The following TNS3 variants were observed in gnomAD, a reference collection of about 807,000 sequenced individuals.
TNS3 encodes tensin-3.
In TNS3, 45 loss-of-function variants were observed where a neutral mutation model predicts 140.9. The ratio of observed to expected loss-of-function variants is 0.32; its 90% CI spans 0.25 to 0.41. The LOEUF is 0.41. Ranked by LOEUF, TNS3 falls within the 10% of genes least tolerant of loss-of-function variation. The pLI is 1.00. For missense variants in TNS3, 1,716 were observed against 1,906.7 expected (o/e 0.90, Z 1.86); for synonymous variants, 815 against 788.4 (o/e 1.03, Z -0.56).
intron 3 of TNS3, chr7:47,481,872 G>T (rs1797432395): frequency 6.0e-6 from 1 of 167,308 alleles, no homozygotes; most frequent in Non-Finnish European, 1.2e-5. Context: ...ACTAGCCACA[G>T]GACCTTGGCC....
intron 2 of TNS3, among the ~76,000 whole-genome samples, chr7:47,509,198 T>C (rs1047482777): frequency 6.6e-6 from 1 of 152,112 alleles, no homozygotes; most frequent in Non-Finnish European, 1.5e-5. Context: ...CAGACAGCCA[T>C]CGGCACTGTA....
intron 20 of TNS3, among the ~76,000 whole-genome samples, chr7:47,325,524 G>A (rs927590512): frequency 3.3e-5 from 5 of 152,158 alleles, no homozygotes; most frequent in Admixed American, 6.5e-5. Context: ...TTAGTCCTGC[G>A]TTCTTAGGTT....
intron 16 of TNS3, among the ~76,000 whole-genome samples, chr7:47,386,365 G>A (rs1193232175): frequency 6.6e-6 from 1 of 152,194 alleles, no homozygotes; most frequent in Non-Finnish European, 1.5e-5. Flanking sequence ...CCAGCTCCTG[G>A]GGTCAATGGC....
chr7:47,496,267 C>T (rs978390722), intron 3 of TNS3, among the ~76,000 whole-genome samples: 1 of 148,488 alleles, frequency 6.7e-6, no homozygotes, highest in African/African-American at 2.6e-5. Context: ...CAGGGGAATA[C>T]AGAGTTTGGG....
intron 4 of TNS3, among the ~76,000 whole-genome samples, chr7:47,479,855 G>A (rs541842112): frequency 6.6e-6 from 1 of 152,304 alleles, no homozygotes; most frequent in South Asian, 2.1e-4. Flanking sequence ...CACCTCTATG[G>A]CCATTGCATA....
intron 13 of TNS3, among the ~76,000 whole-genome samples, chr7:47,402,088 G>C (rs1233326415): frequency 6.6e-6 from 1 of 152,192 alleles, no homozygotes. Flanking sequence ...AATTCTGCAG[G>C]GAGGGTCTTC....
chr7:47,539,912 C>T (rs2151963290), intron 1 of TNS3, among the ~76,000 whole-genome samples: 1 of 152,294 alleles, frequency 6.6e-6, no homozygotes, highest in African/African-American at 2.4e-5. Flanking sequence ...TGAGTCCTCC[C>T]AGAAGTAAGC....
At chr7:47,297,431 GGGCCTGCCTGTTGAGGA>G (rs1362249016) in intron 23 of TNS3, among the ~76,000 whole-genome samples, 1 of 152,100 alleles carries the variant, frequency 6.6e-6, no homozygotes, top group Non-Finnish European at 1.5e-5. Flanking sequence ...TTTCATGGGT[GGGCCTGCCTGTTGAGGA>G]GGCAGAAAGG....
At chr7:47,281,786 A>T (rs574824902) in intron 28 of TNS3, among the ~76,000 whole-genome samples, 3 of 152,322 alleles carry the variant, frequency 2.0e-5, no homozygotes, top group Admixed American at 6.5e-5. Flanking sequence ...AAGAAATAAC[A>T]TATCTTCCAA....
chr7:47,557,819 C>T (rs1800235169), intron 1 of TNS3, among the ~76,000 whole-genome samples: 1 of 152,172 alleles, frequency 6.6e-6, no homozygotes. Context: ...TGAATTATTC[C>T]ACACCACATG....
chr7:47,538,940 C>G, intron 1 of TNS3: 1 of 437,806 alleles, frequency 2.3e-6, no homozygotes. Flanking sequence ...GTATTCATTC[C>G]AGATTGCTTC....
intron 10 of TNS3, among the ~76,000 whole-genome samples, chr7:47,419,639 C>T (rs1794266828): frequency 6.6e-6 from 1 of 152,200 alleles, no homozygotes; most frequent in Admixed American, 6.5e-5. Context: ...TAAAAGATTA[C>T]TCTGGGGATC....
At chr7:47,333,516 T>C (rs1788455690) in intron 20 of TNS3, among the ~76,000 whole-genome samples, 2 of 152,144 alleles carry the variant, frequency 1.3e-5, no homozygotes, top group African/African-American at 4.8e-5. Flanking sequence ...AAATCCAAAG[T>C]AAACAAGGGC....
chr7:47,358,691 G>A (rs1048108087), intron 17 of TNS3, among the ~76,000 whole-genome samples: 4 of 152,226 alleles, frequency 2.6e-5, no homozygotes, highest in African/African-American at 9.6e-5. Context: ...GTCCTGGCAT[G>A]AGGCCCATGT....
At chr7:47,451,599 A>G (rs1412142549) in intron 4 of TNS3, among the ~76,000 whole-genome samples, 1 of 152,158 alleles carries the variant, frequency 6.6e-6, no homozygotes, top group Non-Finnish European at 1.5e-5. Context: ...AAATAAATCA[A>G]AAGAAACAAA....
At chr7:47,425,093 C>T (rs59377355) in intron 9 of TNS3, among the ~76,000 whole-genome samples, 4,816 of 152,224 alleles carry the variant, frequency 0.032, 232 homozygotes, top group African/African-American at 0.11. Context: ...CCAAGGCGGG[C>T]GGATCACCTG....
At chr7:47,335,297 G>A (rs921978623) in intron 20 of TNS3, among the ~76,000 whole-genome samples, 4 of 152,182 alleles carry the variant, frequency 2.6e-5, no homozygotes, top group African/African-American at 4.8e-5. Flanking sequence ...GGTTGGGCCC[G>A]TCCTCATAAA....
At chr7:47,535,542 G>A (rs11972530) in intron 1 of TNS3, among the ~76,000 whole-genome samples, 27,973 of 152,256 alleles carry the variant, frequency 0.18, 2,803 homozygotes, top group East Asian at 0.34. Flanking sequence ...CTCCCAAAGG[G>A]GGAGAGGAGG....
chr7:47,545,363 T>C (rs1055709035), intron 1 of TNS3, among the ~76,000 whole-genome samples: 7 of 152,116 alleles, frequency 4.6e-5, no homozygotes, highest in Non-Finnish European at 1.0e-4. Flanking sequence ...TGGTCTCTTC[T>C]AGAACACTGA....
Sources: gnomAD v4.1 joint callset for allele counts (sites outside exome capture counted in the v4.1 genomes callset) on GRCh38, gnomAD v4.1.1 for gene constraint, MANE v1.5 for transcripts, NCBI Gene and HGNC (gene_info 2026-07-23, HGNC 2026-07-21) for gene names.